CCDC171: variants seen among roughly 807,000 people sequenced by gnomAD.
CCDC171 encodes coiled-coil domain containing 171.
CCDC171 carries 177 observed loss-of-function variants against 168.2 expected under a neutral mutation model. The observed-to-expected ratio is 1.05, with a 90% CI of 0.93 to 1.19. The LOEUF is 1.19. CCDC171 is among the 50% of genes most tolerant of loss of function. CCDC171 has a pLI of 0.00. For missense variants in CCDC171, 1,991 were observed against 1,539.0 expected, an observed-to-expected ratio of 1.29 and a Z score of -4.91; for synonymous variants, 687 against 540.8, an observed-to-expected ratio of 1.27 and a Z score of -3.75.
chr9:15,813,644 A>G lies in CCDC171; in HGVS notation c.3267+28950A>G, dbSNP rs573318856. Among the ~76,000 whole-genome samples, 248 of 151,928 alleles carry G rather than the reference A, an allele frequency of 1.6e-3. 1 individual carries two copies. Among genetic ancestry groups the G allele is most frequent in the Admixed American group, 3.3e-3 (50 of 15,246 alleles). ...TGTGTATATATATATATATTAAACT[A>G]TATGTTAATATTGTATATTGTGTCT... On this transcript the variant is annotated intron_variant, in intron 21 of 25. Transcript: ENST00000380701.
intron 6 of CCDC171, among the ~76,000 whole-genome samples, chr9:15,596,474 T>A (rs1372168362): frequency 6.6e-6 from 1 of 152,202 alleles, no homozygotes; most frequent in African/African-American, 2.4e-5. Context: ...CTATTATTTC[T>A]GAGGGCTCTG....
In CCDC171 at chr9:15,677,261, T is replaced by C. The variant is rs549136004; in HGVS notation, c.1077-1497T>C. ...TATAGTTTAGTTCTACTTTGAGAGA[T>C]TTACATAAATGTAGCATCCAATCCT... On this transcript the variant is annotated intron_variant, in intron 9 of 25. Transcript: ENST00000380701. Among the ~76,000 whole-genome samples, 236 of 152,286 alleles carry C rather than the reference T, an allele frequency of 1.5e-3. 2 individuals carry two copies. The highest frequency in any genetic ancestry group is 5.5e-3 in the African/African-American group (230 of 41,560).
chr9:15,698,390 G>A (rs1019450544), intron 11 of CCDC171, among the ~76,000 whole-genome samples: 9 of 152,034 alleles, frequency 5.9e-5, no homozygotes, highest in South Asian at 2.1e-4. Context: ...GCGTGGTGGC[G>A]GGTGCCTGTA....
chr9:15,910,046 A>C (rs13292699), intron 24 of CCDC171, among the ~76,000 whole-genome samples: 53,098 of 151,878 alleles, frequency 0.35, 11,576 homozygotes, highest in East Asian at 0.63. Context: ...AAGTGAGAAC[A>C]TGCAGTATTT....
At chr9:15,756,650 C>G (rs182903300) in intron 18 of CCDC171, among the ~76,000 whole-genome samples, 87 of 152,254 alleles carry the variant, frequency 5.7e-4, no homozygotes, top group African/African-American at 2.0e-3. Flanking sequence ...TTTTCTGTTC[C>G]TGTGTTAATT....
At position 15,990,912 on chromosome 9, in the gene CCDC171, C is replaced by T. The variant is rs573384296; in HGVS notation, n.369-29677C>T. On this transcript the variant is annotated intron_variant and non_coding_transcript_variant, in intron 3 of 9. Coordinates refer to the CCDC171 transcript ENST00000486641. ...ATATATGCACCCAATACAGGAGCACCCAGATTCATAAAGCAAGTCCTTAGA... is the reference window on the plus strand; with the variant it reads ...ATATATGCACCCAATACAGGAGCACTCAGATTCATAAAGCAAGTCCTTAGA... Among the ~76,000 whole-genome samples, 795 of 152,176 alleles carry T rather than the reference C, an allele frequency of 5.2e-3. 5 individuals are homozygous for T. The highest frequency in any genetic ancestry group is 0.019 in the African/African-American group (778 of 41,488).
At chr9:15,585,675 G>C (rs866170898) in intron 4 of CCDC171, among the ~76,000 whole-genome samples, 2 of 152,138 alleles carry the variant, frequency 1.3e-5, no homozygotes, top group African/African-American at 4.8e-5. Flanking sequence ...TGGGTTACAT[G>C]AATGTATTTA....
At chr9:15,805,157 C>A in intron 21 of CCDC171, among the ~76,000 whole-genome samples, 1 of 151,776 alleles carries the variant, frequency 6.6e-6, no homozygotes, top group Non-Finnish European at 1.5e-5. Flanking sequence ...ATTAGTCTAC[C>A]TAGTAGTCTG....
chr9:16,037,681 C>T (rs1003935067), intron 8 of CCDC171, among the ~76,000 whole-genome samples: 1 of 151,922 alleles, frequency 6.6e-6, no homozygotes, highest in Admixed American at 6.6e-5. Flanking sequence ...ACAAATGAAA[C>T]TTCTAAAAGT....
chr9:15,901,674 A>C (rs1251079621), intron 24 of CCDC171, among the ~76,000 whole-genome samples: 1 of 152,206 alleles, frequency 6.6e-6, no homozygotes, highest in Non-Finnish European at 1.5e-5. Context: ...TGTATTCTTT[A>C]CTATAGTTTG....
intron 25 of CCDC171, among the ~76,000 whole-genome samples, chr9:15,945,260 T>C (rs1828213484): frequency 6.7e-6 from 1 of 149,982 alleles, no homozygotes; most frequent in Non-Finnish European, 1.5e-5. Context: ...GTGCCACATT[T>C]TCTTAATCCA....
chr9:15,581,834 G>C (rs188045591), intron 4 of CCDC171, among the ~76,000 whole-genome samples: 1 of 152,196 alleles, frequency 6.6e-6, no homozygotes, highest in Non-Finnish European at 1.5e-5. Context: ...AACCCTAGTA[G>C]AAAACCTAGG....
At chr9:15,857,619 C>T (rs1318796962) in intron 23 of CCDC171, among the ~76,000 whole-genome samples, 1 of 151,842 alleles carries the variant, frequency 6.6e-6, no homozygotes, top group African/African-American at 2.4e-5. Flanking sequence ...GGTGGAGTTT[C>T]ACCATGTTGG....
intron 24 of CCDC171, among the ~76,000 whole-genome samples, chr9:15,902,180 G>C (rs1383528506): frequency 2.0e-5 from 3 of 151,200 alleles, no homozygotes; most frequent in Admixed American, 2.0e-4. Context: ...TTGTAAAATA[G>C]TTGTTTGGAA....
upstream of CCDC171, among the ~76,000 whole-genome samples, chr9:16,041,642 A>G (rs1458052341): frequency 6.6e-6 from 1 of 152,224 alleles, no homozygotes; most frequent in Non-Finnish European, 1.5e-5. Context: ...CCAGAAAACT[A>G]GGATTGGATT....
intron 16 of CCDC171, among the ~76,000 whole-genome samples, chr9:15,733,812 T>C (rs2054305026): frequency 1.3e-5 from 2 of 152,200 alleles, no homozygotes; most frequent in African/African-American, 4.8e-5. Context: ...CCTGTTGCCC[T>C]GGCTTGAGTA....
At chr9:15,854,997 A>G (rs2061293387) in intron 23 of CCDC171, among the ~76,000 whole-genome samples, 1 of 151,672 alleles carries the variant, frequency 6.6e-6, no homozygotes, top group South Asian at 2.1e-4. Context: ...GTATGCTCCA[A>G]TATATGGTCT....
chr9:15,869,130 G>A (rs556917318), intron 23 of CCDC171, among the ~76,000 whole-genome samples: 2 of 151,954 alleles, frequency 1.3e-5, no homozygotes, highest in Admixed American at 6.6e-5. Context: ...GTTCATGGTT[G>A]AATCCATGGA....
chr9:15,938,525 A>G (rs772265058), intron 25 of CCDC171, among the ~76,000 whole-genome samples: 2 of 151,962 alleles, frequency 1.3e-5, no homozygotes, highest in African/African-American at 4.8e-5. Context: ...ACCTAGAACA[A>G]AAGGATCTTT....
Sources: allele counts gnomAD v4.1 joint callset (sites outside exome capture counted in the v4.1 genomes callset), GRCh38; gene constraint gnomAD v4.1.1; transcripts MANE v1.5; gene names NCBI Gene and HGNC (gene_info 2026-07-23, HGNC 2026-07-21).